RGSL1: variants seen among roughly 807,000 people sequenced by gnomAD.
RGSL1 encodes regulator of G protein signaling protein-like.
In RGSL1, 97 loss-of-function variants were observed where a neutral mutation model predicts 124.7. That is an observed-to-expected ratio of 0.78 (90% CI 0.66 to 0.92). The LOEUF is 0.92. Ranked by LOEUF, RGSL1 falls within the 40% of genes least tolerant of loss-of-function variation. The pLI, the probability that RGSL1 is intolerant of heterozygous loss-of-function variation, is 0.00. For synonymous variants in RGSL1, 424 were observed against 438.1 expected (o/e 0.97, Z 0.40); for missense variants, 1,233 against 1,288.4 (o/e 0.96, Z 0.66).
intron 12 of RGSL1, 66 bp downstream of exon 12, chr1:182,530,427 G>C: frequency 8.3e-7 from 1 of 1,201,876 alleles, no homozygotes; most frequent in Non-Finnish European, 1.2e-6. Context: ...AAAGCCATAT[G>C]CATCAAGGGT....
At chr1:182,451,869 G>A (rs182825851) in intron 1 of RGSL1, among the ~76,000 whole-genome samples, 373 of 151,872 alleles carry the variant, frequency 2.5e-3, no homozygotes, top group Non-Finnish European at 3.1e-3. Flanking sequence ...TGTAATGGAA[G>A]AGTAACTTTA....
Position 182,472,472 on chromosome 1 carries a change from C to G in RGSL1, c.378C>G (p.Asp126Glu). The change falls in exon 5 of 22, where the codon GAC becomes GAG. Residue 126 changes from aspartate to glutamate, a missense_variant. Asp to Glu is a conservative substitution (Grantham distance 45, BLOSUM62 2). Transcript: ENST00000294854. ...SIDEMDLEVRDYYLSLLLMLR... is the reference protein window; with the variant it reads ...SIDEMDLEVREYYLSLLLMLR... Reference sequence around the variant, plus strand: ...ATGAGATGGACCTGGAAGTGAGAGACTACTACCTGTCCCTCCTCCTCATGC... The same window carrying G: ...ATGAGATGGACCTGGAAGTGAGAGAGTACTACCTGTCCCTCCTCCTCATGC... 1.7e-5 allele frequency: 26 copies of G among 1,551,246 alleles called. No individual in the cohort carries two copies. Among genetic ancestry groups the G allele is most frequent in the Non-Finnish European group, 2.2e-5 (25 of 1,146,658 alleles).
chr1:182,466,650 T>C (rs1158965864), intron 4 of RGSL1, among the ~76,000 whole-genome samples: 1 of 152,146 alleles, frequency 6.6e-6, no homozygotes, highest in African/African-American at 2.4e-5. Context: ...CAATAAAAAC[T>C]ACAAAACATT....
intron 9 of RGSL1, among the ~76,000 whole-genome samples, chr1:182,502,070 A>T (rs1477143576): frequency 6.6e-6 from 1 of 152,128 alleles, no homozygotes; most frequent in Non-Finnish European, 1.5e-5. Flanking sequence ...GTTTGGTAGT[A>T]ATGTCTTCAC....
chr1:182,509,784 T>G (rs1342904208), intron 9 of RGSL1, among the ~76,000 whole-genome samples: 1 of 113,528 alleles, frequency 8.8e-6, no homozygotes, highest in African/African-American at 3.5e-5. Flanking sequence ...CCCACCTCCC[T>G]CCCGGATGGG....
intron 14 of RGSL1, among the ~76,000 whole-genome samples, chr1:182,537,576 G>A (rs1414065300): frequency 1.3e-5 from 2 of 152,138 alleles, no homozygotes; most frequent in Non-Finnish European, 2.9e-5. Flanking sequence ...ATACAGTTAA[G>A]TTACTCGAAA....
intron 9 of RGSL1, among the ~76,000 whole-genome samples, chr1:182,494,226 T>A (rs1655744848): frequency 6.6e-6 from 1 of 152,212 alleles, no homozygotes; most frequent in African/African-American, 2.4e-5. Context: ...TGTAACATGA[T>A]CTTAATGATT....
chr1:182,533,337 C>T (rs151099089), intron 14 of RGSL1, among the ~76,000 whole-genome samples: 1 of 143,328 alleles, frequency 7.0e-6, no homozygotes, highest in Non-Finnish European at 1.5e-5. Flanking sequence ...TCTTGGACAT[C>T]ATTTTATGTC....
chr1:182,558,587 T>C (rs750763338), intron 21 of RGSL1, among the ~76,000 whole-genome samples: 12 of 152,182 alleles, frequency 7.9e-5, no homozygotes, highest in Non-Finnish European at 1.3e-4. Flanking sequence ...AGGTACAGGA[T>C]GGAGGTCTCA....
intron 2 of RGSL1, among the ~76,000 whole-genome samples, chr1:182,455,969 G>T (rs991828720): frequency 1.3e-5 from 2 of 152,222 alleles, no homozygotes; most frequent in South Asian, 4.1e-4. Context: ...CTTAATGGAG[G>T]AAGGGAAAGC....
chr1:182,457,856 G>A (rs2101989434), intron 2 of RGSL1, among the ~76,000 whole-genome samples: 1 of 152,292 alleles, frequency 6.6e-6, no homozygotes, highest in South Asian at 2.1e-4. Flanking sequence ...GCCTCCCTGT[G>A]TAATTTGTAT....
At chr1:182,541,796 T>G (rs1659908696) in intron 15 of RGSL1, among the ~76,000 whole-genome samples, 1 of 152,206 alleles carries the variant, frequency 6.6e-6, no homozygotes, top group South Asian at 2.1e-4. Context: ...GATATCTCGT[T>G]GTGGTTTTGA....
chr1:182,471,447 T>A, intron 4 of RGSL1: 1 of 440,970 alleles, frequency 2.3e-6, no homozygotes, highest in Non-Finnish European at 4.6e-6. Flanking sequence ...CAGATTGCCC[T>A]AAGCCCCAGT....
At chr1:182,498,381 C>T (rs1379136148) in intron 9 of RGSL1, among the ~76,000 whole-genome samples, 1 of 152,048 alleles carries the variant, frequency 6.6e-6, no homozygotes, top group Non-Finnish European at 1.5e-5. Flanking sequence ...TGAAGAGCCT[C>T]ATTCCTTTTC....
At chr1:182,459,914 T>G in intron 3 of RGSL1, 90 bp from the exon 4 acceptor site, 2 of 1,448,830 alleles carry the variant, frequency 1.4e-6, no homozygotes, top group Non-Finnish European at 1.9e-6. Flanking sequence ...ACTGCAAGTG[T>G]GAGGTGATTA....
intron 14 of RGSL1, among the ~76,000 whole-genome samples, chr1:182,535,602 C>A (rs768695039): frequency 9.2e-5 from 14 of 152,134 alleles, no homozygotes; most frequent in Admixed American, 2.0e-4. Context: ...ATTACTCAAT[C>A]GGCACCAAAT....
intron 2 of RGSL1, among the ~76,000 whole-genome samples, chr1:182,456,018 T>C (rs1185653093): frequency 6.6e-6 from 1 of 151,942 alleles, no homozygotes; most frequent in Non-Finnish European, 1.5e-5. Flanking sequence ...TGGGAAGTAA[T>C]GAGGGTCTAA....
intron 10 of RGSL1, among the ~76,000 whole-genome samples, chr1:182,525,778 G>T (rs1244888861): frequency 6.6e-6 from 1 of 151,798 alleles, no homozygotes; most frequent in East Asian, 1.9e-4. Flanking sequence ...AAAATAAAGA[G>T]AAAAACAAAG....
rs192789745 is a variant in RGSL1, at chr1:182,472,552, A to G, written c.458A>G (p.Asn153Ser). Residue 153 changes from asparagine (N) to serine (S), a missense_variant, in exon 5 of 22, where the codon AAC (asparagine) becomes AGC (serine). By Grantham distance (46) the Asn-to-Ser change is conservative. Transcript: ENST00000294854. ...GSRVVTLCNMNIKSLLNLSIW... is the reference protein window; with the variant it reads ...GSRVVTLCNMSIKSLLNLSIW... ...AGGGTGGTAACCCTCTGTAACATGA[A>G]CATCAGTAAGAATTATAAAGCATCT... 1.2e-4 allele frequency: 184 copies of G among 1,525,904 alleles called. 2 individuals carry two copies. The East Asian group carries it at 3.8e-3, about 32-fold the overall frequency. 94.5% of individuals were successfully genotyped at this position (1,525,904 alleles called of 1,614,324 possible). A position where few individuals can be genotyped will look rare whatever the true frequency, so the allele number is the denominator to read the frequency against.
Sources: gnomAD v4.1 joint callset for allele counts (sites outside exome capture counted in the v4.1 genomes callset) on GRCh38, gnomAD v4.1.1 for gene constraint, MANE v1.5 for transcripts, NCBI Gene and HGNC (gene_info 2026-07-23, HGNC 2026-07-21) for gene names.